TREH: variants seen among roughly 807,000 people sequenced by gnomAD.
TREH encodes alpha,alpha-trehalose glucohydrolase.
In TREH, 69 loss-of-function variants were observed where a neutral mutation model predicts 80.5. The ratio of observed to expected loss-of-function variants is 0.86; its 90% CI spans 0.71 to 1.05. TREH has a LOEUF of 1.05. Among genes scored for constraint, TREH ranks in the 50% least tolerant of loss-of-function variants. The probability of loss-of-function intolerance (pLI) is 0.00; values close to 1 mark genes in which losing one functional copy is unlikely to be tolerated. For synonymous variants in TREH, 309 were observed against 293.5 expected, an observed-to-expected ratio of 1.05 and a Z score of -0.54; for missense variants, 716 against 718.8, an observed-to-expected ratio of 1.00 and a Z score of 0.04.
At chr11:118,659,592 T>G in intron 11 of TREH, 111 bp from the exon 12 acceptor site, 1 of 1,356,412 alleles carries the variant, frequency 7.4e-7, no homozygotes, top group South Asian at 1.5e-5. Flanking sequence ...TCTTCTTTTC[T>G]CGGCTCACAG....
chr11:118,660,517 C>T, intron 10 of TREH, 22 bp downstream of exon 10: 1 of 1,567,046 alleles, frequency 6.4e-7, no homozygotes, highest in Non-Finnish European at 8.7e-7. Flanking sequence ...CCCTGCTTTC[C>T]CTTCCCTACT....
Position 118,658,584 on chromosome 11 carries a change from C to T in TREH, c.1599+96G>A, listed in dbSNP as rs1949254560. The T allele has an allele frequency of 1.0e-5, 16 of 1,524,188 alleles. No homozygotes were observed. The South Asian group carries it at 1.4e-4, about 13-fold the overall frequency. The allele number at this position is 1,524,188 out of a possible 1,614,324, so 94.4% of individuals were successfully genotyped here. The stretch of plus-strand genomic sequence containing the variant: ...CCAGTCAGCTCCTCCCCCGGGCCCA[C>T]ATGCAGGTGAGCACACTGAGGCCTG... On this transcript the variant is annotated intron_variant, in intron 14 of 14. Transcript: ENST00000264029.
rs1449929345 is a variant in TREH, at chr11:118,661,551, A to G, written c.618-42T>C. The G allele has an allele frequency of 6.2e-7, 1 of 1,612,630 alleles. No individual in the cohort carries two copies. The highest frequency in any genetic ancestry group is 1.3e-5 in the African/African-American group (1 of 75,048). ...CTGCTGAGATGCCCTCTCCCCAGCAACTGGCACCAAGGCAATCCAGCTGCA... is the reference window on the plus strand; with the variant it reads ...CTGCTGAGATGCCCTCTCCCCAGCAGCTGGCACCAAGGCAATCCAGCTGCA... On this transcript the variant is annotated intron_variant, in intron 6 of 14. Coordinates refer to ENST00000264029, the MANE Select transcript of TREH (RefSeq NM_007180.3). This position sits in a 1 kb window ranked among gnomAD's most constrained non-coding sequence, Gnocchi z 4.2.
intron 1 of TREH, among the ~76,000 whole-genome samples, chr11:118,676,298 A>C (rs1366144482): frequency 6.6e-6 from 1 of 152,216 alleles, no homozygotes; most frequent in African/African-American, 2.4e-5. Context: ...AACATGGCAA[A>C]ACCCCATCTC....
rs1949319090 is a variant in TREH at position 118,661,330 on chromosome 11, C to G, written c.735-48G>C. On this transcript the variant is annotated intron_variant, in intron 7 of 14. Transcript: ENST00000264029. The surrounding 1 kb of genome is among the most constrained non-coding windows in gnomAD (Gnocchi z 4.2). Reference sequence around the variant, plus strand: ...TCAGCCCAGGCGTGCTGCCCATCCCCAGCCCTGAGAGGTCTGAGGGATGGG... The same window carrying G: ...TCAGCCCAGGCGTGCTGCCCATCCCGAGCCCTGAGAGGTCTGAGGGATGGG... The G allele has an allele frequency of 6.2e-7, 1 of 1,613,972 alleles. No homozygotes were observed. Among genetic ancestry groups the G allele is most frequent in the Non-Finnish European group, 8.5e-7 (1 of 1,179,834 alleles).
At chr11:118,670,164 GCTC>G (rs1345924134) in intron 1 of TREH, among the ~76,000 whole-genome samples, 14 of 152,262 alleles carry the variant, frequency 9.2e-5, no homozygotes, top group African/African-American at 3.4e-4. Context: ...ATATCACTTG[GCTC>G]AAAGCCCCAC....
chr11:118,670,241 G>A (rs1238430157), intron 1 of TREH, among the ~76,000 whole-genome samples: 3 of 152,122 alleles, frequency 2.0e-5, no homozygotes, highest in Non-Finnish European at 4.4e-5. Context: ...CAGCTAGTTA[G>A]TATAATCCAT....
intron 1 of TREH, among the ~76,000 whole-genome samples, chr11:118,666,173 C>G (rs1020347876): frequency 6.6e-6 from 1 of 151,890 alleles, no homozygotes; most frequent in Non-Finnish European, 1.5e-5. Context: ...GTGGAGGTTG[C>G]AGTGGGCCGG....
At chr11:118,663,470 T>TCAC (rs1333656547) in intron 1 of TREH, 31 bp from the exon 2 acceptor site, 6 of 1,514,868 alleles carry the variant, frequency 4.0e-6, no homozygotes, top group Non-Finnish European at 4.5e-6. Flanking sequence ...GCAGGTCAGG[T>TCAC]CACCACCACC....
chr11:118,663,008 T>G, intron 3 of TREH, 40 bp from the exon 4 acceptor site: 1 of 1,610,620 alleles, frequency 6.2e-7, no homozygotes, highest in Non-Finnish European at 8.5e-7. Flanking sequence ...AGGAGGCAGC[T>G]CAGTTGGAAG....
rs1555145253 is a variant in TREH, at chr11:118,662,912, A to C, written c.392T>G (p.Leu131Arg). The C allele has an allele frequency of 6.2e-7, 1 of 1,604,694 alleles. No individual in the cohort carries two copies. Among genetic ancestry groups the C allele is most frequent in the South Asian group, 1.1e-5 (1 of 89,438 alleles). ...CCCCAGCTTCTTCCAGAGCTGATGC[A>C]GCTGCCCTGCCCAGGCACGCAGTTT... ...DAKLRAWAGQ[L>R]HQLWKKLGKK... The change falls in exon 4 of 15, where the codon CTG becomes CGG. Residue 131 changes from leucine (L) to arginine (R), a missense_variant. Coordinates refer to ENST00000264029, the MANE Select transcript of TREH (RefSeq NM_007180.3).
chr11:118,679,517 G>A, intron 1 of TREH, 22 bp downstream of exon 1: 1 of 1,468,924 alleles, frequency 6.8e-7, no homozygotes, highest in Non-Finnish European at 9.1e-7. Context: ...ATCCTCCCCT[G>A]CTGCCTTCCC....
intron 1 of TREH, among the ~76,000 whole-genome samples, chr11:118,668,499 G>C (rs1787722560): frequency 7.4e-6 from 1 of 135,144 alleles, no homozygotes; most frequent in South Asian, 2.4e-4. Flanking sequence ...GGCAGGCAGA[G>C]GTTGCAGAGC....
rs1555145118 is a variant in TREH, at chr11:118,662,010, CA to C, written c.424-21del. On this transcript the variant is annotated intron_variant, in intron 4 of 14. Transcript: ENST00000264029. ...CTTCATCTGGAGTCGGGAGAGAGGGCAAGGGGAGCCTAGAATCCCCACGGAA... is the reference window on the plus strand; with the variant it reads ...CTTCATCTGGAGTCGGGAGAGAGGGCAGGGGAGCCTAGAATCCCCACGGAA... 6.5e-7 allele frequency: 1 copy of C among 1,539,044 alleles called. No homozygotes were observed. The highest frequency in any genetic ancestry group is 8.8e-7 in the Non-Finnish European group (1 of 1,135,742).
chr11:118,659,537 A>G, intron 11 of TREH, 56 bp from the exon 12 acceptor site: 1 of 1,468,852 alleles, frequency 6.8e-7, no homozygotes, highest in Non-Finnish European at 9.1e-7. Flanking sequence ...GGGAGCCAGG[A>G]CAGGACGCTG....
Position 118,661,622 on chromosome 11 carries a change from C to T in TREH, c.617+15G>A. 1 of 1,613,876 alleles carries T rather than the reference C, an allele frequency of 6.2e-7. No individual in the cohort carries two copies. The highest frequency in any genetic ancestry group is 1.1e-5 in the South Asian group (1 of 91,074). On this transcript the variant is annotated intron_variant, in intron 6 of 14. Transcript: ENST00000264029. The surrounding 1 kb of genome is among the most constrained non-coding windows in gnomAD (Gnocchi z 4.2). ...CTCCTCCCCACCTAGGCTGGAGGTGCCTGGCCCCCCTCACGTTTTCACCAG... is the reference window on the plus strand; with the variant it reads ...CTCCTCCCCACCTAGGCTGGAGGTGTCTGGCCCCCCTCACGTTTTCACCAG...
Position 118,658,693 on chromosome 11 carries a change from T to A in TREH, c.1586A>T (p.Glu529Val). ...TGGCCTGCTCACCTGAACTTCATAT[T>A]CTCCTCCCCCACCGGGCTGTCCACC... ...SNGGQPGGGG[E>V]YEVQEGFGWT... Residue 529 changes from glutamate (E) to valine (V), a missense_variant, in exon 14 of 15, where the codon GAA (glutamate) becomes GTA (valine). By Grantham distance (121) the Glu-to-Val change is moderately radical. Coordinates refer to ENST00000264029, the MANE Select transcript of TREH (RefSeq NM_007180.3). 6.3e-7 allele frequency: 1 copy of A among 1,597,088 alleles called. No homozygotes were observed.
At chr11:118,668,560 T>TTAA (rs1481004092) in intron 1 of TREH, among the ~76,000 whole-genome samples, 1 of 792 alleles carries the variant, frequency 1.3e-3, no homozygotes, top group Non-Finnish European at 3.1e-3. Context: ...AGACTCTGTC[T>TTAA]CAAAAAAAAA....
intron 1 of TREH, among the ~76,000 whole-genome samples, chr11:118,665,717 G>A (rs1336823330): frequency 2.0e-5 from 3 of 152,248 alleles, no homozygotes; most frequent in African/African-American, 4.8e-5. Context: ...CTGATGGGGT[G>A]TGTTGTGGCT....
Sources: gnomAD v4.1 joint callset for allele counts (sites outside exome capture counted in the v4.1 genomes callset) on GRCh38, gnomAD v4.1.1 for gene constraint, Gnocchi (gnomAD v3.1) non-coding constraint, MANE v1.5 for transcripts, NCBI Gene and HGNC (gene_info 2026-07-23, HGNC 2026-07-21) for gene names.